The following REV3L variants were observed in gnomAD, a reference collection of about 807,000 sequenced individuals.
The protein encoded by REV3L is REV3 like, DNA directed polymerase zeta catalytic subunit, also known as DNA polymerase zeta catalytic subunit.
REV3L carries 69 observed loss-of-function variants against 299.4 expected under a neutral mutation model. The observed-to-expected ratio is 0.23, with a 90% CI of 0.19 to 0.28. The LOEUF is 0.28. Among genes scored for constraint, REV3L ranks in the 10% least tolerant of loss-of-function variants. The pLI is 1.00. For synonymous variants in REV3L, 1,238 were observed against 1,271.4 expected, an observed-to-expected ratio of 0.97 and a Z score of 0.56; for missense variants, 3,128 against 3,693.8, an observed-to-expected ratio of 0.85 and a Z score of 3.97.
At chr6:111,368,952 CT>C (rs960419172) in intron 13 of REV3L, among the ~76,000 whole-genome samples, 6 of 152,126 alleles carry the variant, frequency 3.9e-5, no homozygotes, top group Non-Finnish European at 8.8e-5. Flanking sequence ...AGCATTAGGG[CT>C]ACTCTGTCTC....
At chr6:111,456,884 C>A (rs983600557) in intron 1 of REV3L, among the ~76,000 whole-genome samples, 2 of 151,986 alleles carry the variant, frequency 1.3e-5, no homozygotes, top group Non-Finnish European at 2.9e-5. Flanking sequence ...AAGAAGAAAC[C>A]AGAATAACTC....
intron 4 of REV3L, 74 bp downstream of exon 4, chr6:111,405,396 A>G: frequency 3.4e-6 from 3 of 873,836 alleles, no homozygotes; most frequent in Non-Finnish European, 4.9e-6. Flanking sequence ...TATTTTATAA[A>G]TCACTGACTA....
At position 111,365,308 on chromosome 6, in the gene REV3L, C is replaced by T. The variant is rs1368445956; in HGVS notation, c.6710G>A (p.Ser2237Asn). ...TACTCTTCTAAGAGTGTCAGTATTACTTCCTTTCTTATTACTCAACTTCTG... is the reference window on the plus strand; with the variant it reads ...TACTCTTCTAAGAGTGTCAGTATTATTTCCTTTCTTATTACTCAACTTCTG... Reference protein sequence around the residue: ...KTQKLSNKKGSNTDTLRRVLL... With the variant: ...KTQKLSNKKGNNTDTLRRVLL... The change falls in exon 15 of 32, where the codon AGT becomes AAT. Residue 2237 changes from serine (S) to asparagine (N), a missense_variant. Transcript: ENST00000368802. 2 of 1,574,440 alleles carry T rather than the reference C, an allele frequency of 1.3e-6. No homozygotes were observed. The highest frequency in any genetic ancestry group is 1.7e-6 in the Non-Finnish European group (2 of 1,160,502).
At chr6:111,381,777 A>G (rs1780854736) in intron 9 of REV3L, among the ~76,000 whole-genome samples, 1 of 152,220 alleles carries the variant, frequency 6.6e-6, no homozygotes, top group Non-Finnish European at 1.5e-5. Context: ...TCTTATTTGA[A>G]TACTAAAATT....
intron 1 of REV3L, among the ~76,000 whole-genome samples, chr6:111,447,456 T>C (rs962660549): frequency 5.9e-5 from 9 of 152,330 alleles, no homozygotes; most frequent in African/African-American, 1.9e-4. Flanking sequence ...GAAAGTAATT[T>C]AACCTCTATT....
chr6:111,388,588 T>A (rs552922924), intron 7 of REV3L, among the ~76,000 whole-genome samples: 1 of 152,320 alleles, frequency 6.6e-6, no homozygotes, highest in African/African-American at 2.4e-5. Flanking sequence ...TGGTATTATC[T>A]AAACCCCCTC....
At position 111,373,627 on chromosome 6, in the gene REV3L, C is replaced by T. The variant is rs145232713; in HGVS notation, c.4728G>A (p.Ser1576=). The change falls in exon 13 of 32, where the codon TCG becomes TCA. Residue 1576 remains serine, a synonymous_variant. Transcript: ENST00000368802. The part of the protein sequence containing the change: ...EHNKANKRTR[S]VTSPRKPRTP... ...TTCGAGGTTTTCTTGGGGACGTTAC[C>T]GATCGTGTCCGTTTATTTGCTTTGT... 7.2e-5 allele frequency: 117 copies of T among 1,613,956 alleles called. No individual in the cohort carries two copies. The African/African-American group carries it at 1.2e-3, about 17-fold the overall frequency.
chr6:111,483,232 G>C (rs886714949), upstream of REV3L: 3 of 481,850 alleles, frequency 6.2e-6, no homozygotes, highest in African/African-American at 2.0e-5. Flanking sequence ...CGCAACCACT[G>C]GGGGGAGGGG....
At chr6:111,307,158 T>TA (rs1005617215) in intron 31 of REV3L, among the ~76,000 whole-genome samples, 42 of 151,806 alleles carry the variant, frequency 2.8e-4, no homozygotes, top group Admixed American at 1.8e-3. Context: ...CACTATTCCA[T>TA]AAAAAAAACA....
At chr6:111,440,784 T>G (rs1331159000) in intron 1 of REV3L, among the ~76,000 whole-genome samples, 3 of 152,256 alleles carry the variant, frequency 2.0e-5, no homozygotes, top group African/African-American at 7.2e-5. Context: ...CATTTCTTAC[T>G]GGCAACAGAT....
At chr6:111,326,458 T>C (rs558059246) in intron 25 of REV3L, among the ~76,000 whole-genome samples, 1 of 152,154 alleles carries the variant, frequency 6.6e-6, no homozygotes, top group South Asian at 2.1e-4. Flanking sequence ...CAGGCAATAA[T>C]GAATGCTGGC....
In REV3L at chr6:111,422,083, C is replaced by G. The variant is rs113861036; in HGVS notation, c.140-5611G>C. 7.3e-3 allele frequency among the ~76,000 whole-genome samples: 1,117 copies of G among 152,088 alleles called. 13 individuals carry two copies. Among genetic ancestry groups the G allele is most frequent in the African/African-American group, 0.026 (1,063 of 41,496 alleles). ...AATTAGATTTTCAGAATTTATCTTA[C>G]AGAAAAACTTAAAAATGTACACGAA... On this transcript the variant is annotated intron_variant, in intron 1 of 31. Coordinates refer to ENST00000368802, the MANE Select transcript of REV3L (RefSeq NM_001372078.1).
intron 9 of REV3L, among the ~76,000 whole-genome samples, 200 bp downstream of exon 9, chr6:111,387,565 G>A: frequency 6.6e-6 from 1 of 152,094 alleles, no homozygotes; most frequent in East Asian, 1.9e-4. Context: ...AATTATATAT[G>A]GTAACAGTTT....
At chr6:111,411,400 G>A in intron 3 of REV3L, 80 bp downstream of exon 3, 1 of 867,710 alleles carries the variant, frequency 1.2e-6, no homozygotes, top group South Asian at 1.6e-5. Context: ...AAACTATAGA[G>A]GCCTTCTTTC....
intron 2 of REV3L, among the ~76,000 whole-genome samples, chr6:111,413,008 C>T (rs544322912): frequency 7.9e-5 from 12 of 152,162 alleles, no homozygotes; most frequent in Non-Finnish European, 1.6e-4. Context: ...CTGACCATCC[C>T]TCCCTCTTAC....
chr6:111,367,836 A>C lies in REV3L; in HGVS notation c.5952T>G (p.Pro1984=), dbSNP rs890755325. ...GVVNKGSSNS[P]KMVEDKKIVI... The stretch of plus-strand genomic sequence containing the variant: ...CAATTTTTTTATCTTCAACCATCTT[A>C]GGGCTATTACTTGACCCTTTATTGA... The change falls in exon 14 of 32, where the codon CCT becomes CCG. Residue 1984 remains proline (P), a synonymous_variant. Transcript: ENST00000368802. The C allele has an allele frequency of 1.9e-6, 3 of 1,614,086 alleles. No individual in the cohort carries two copies. Among genetic ancestry groups the C allele is most frequent in the Non-Finnish European group, 2.5e-6 (3 of 1,179,994 alleles).
intron 21 of REV3L, among the ~76,000 whole-genome samples, chr6:111,340,332 T>C (rs775093986): frequency 2.6e-5 from 4 of 152,152 alleles, no homozygotes; most frequent in Non-Finnish European, 5.9e-5. Flanking sequence ...AGGAATTATA[T>C]AGATTAGTAA....
At chr6:111,439,559 G>A (rs1787995390) in intron 1 of REV3L, among the ~76,000 whole-genome samples, 1 of 152,198 alleles carries the variant, frequency 6.6e-6, no homozygotes, top group South Asian at 2.1e-4. Context: ...AGCTACATAA[G>A]TGGGTGCCTC....
Position 111,367,849 on chromosome 6 carries a change from G to A in REV3L, c.5939C>T (p.Ser1980Leu). 1.2e-6 allele frequency: 2 copies of A among 1,614,020 alleles called. No homozygotes were observed. The highest frequency in any genetic ancestry group is 1.7e-6 in the Non-Finnish European group (2 of 1,179,988). Residue 1980 changes from serine (S) to leucine (L), a missense_variant, in exon 14 of 32, where the codon TCA becomes TTA. Ser to Leu is a moderately radical substitution (Grantham distance 145). This residue lies in a region of REV3L where 2,409 missense variants were observed against 2,611.8 expected (regional missense o/e 0.92). Coordinates refer to ENST00000368802, the MANE Select transcript of REV3L (RefSeq NM_001372078.1). ...TTCAACCATCTTAGGGCTATTACTT[G>A]ACCCTTTATTGACAACTCCTTGGCC... The part of the protein sequence containing the change: ...RSGQGVVNKG[S>L]SNSPKMVEDK...
Sources: allele counts gnomAD v4.1 joint callset (sites outside exome capture counted in the v4.1 genomes callset), GRCh38; gene constraint gnomAD v4.1.1; regional missense constraint gnomAD v4.1.1; transcripts MANE v1.5; gene names NCBI Gene and HGNC (gene_info 2026-07-23, HGNC 2026-07-21).